Variants in FAM83D observed in about 807,000 individuals in gnomAD.
The protein encoded by FAM83D is protein FAM83D.
Under a neutral mutation model 25.4 loss-of-function variants are expected in FAM83D, and 26 were observed. The observed-to-expected ratio is 1.02, with a 90% CI of 0.75 to 1.42. The LOEUF (loss-of-function observed/expected upper bound fraction) is 1.42, where lower values mean the gene tolerates loss of function less well. Ranked by LOEUF, FAM83D falls within the 40% of genes most tolerant of loss-of-function variation. The probability of loss-of-function intolerance (pLI) is 0.00; values close to 1 mark genes in which losing one functional copy is unlikely to be tolerated. For synonymous variants in FAM83D, 310 were observed against 318.5 expected, an observed-to-expected ratio of 0.97 and a Z score of 0.28; for missense variants, 740 against 758.1, an observed-to-expected ratio of 0.98 and a Z score of 0.28.
At chr20:38,950,118 GC>G (rs145155657) in intron 3 of FAM83D, among the ~76,000 whole-genome samples, 20,148 of 152,250 alleles carry the variant, frequency 0.13, 1,402 homozygotes, top group Middle Eastern at 0.19. Context: ...ACCGTGCCCA[GC>G]CAGATCCTGG....
rs747020087 is a variant in FAM83D, at chr20:38,952,528, G to C, written c.*8G>C. 2 of 1,605,148 alleles carry C rather than the reference G, an allele frequency of 1.2e-6. No individual in the cohort carries two copies. Among genetic ancestry groups the C allele is most frequent in the East Asian group, 4.5e-5 (2 of 44,766 alleles). Reference sequence around the variant, plus strand: ...TATCCTTCCTATCAGTAACTGCTCCGTGTTCAGACTCCTGGTTTCTTCCAG... The same window carrying C: ...TATCCTTCCTATCAGTAACTGCTCCCTGTTCAGACTCCTGGTTTCTTCCAG... On this transcript the variant is annotated 3_prime_UTR_variant, in exon 4 of 4. Transcript: ENST00000619850.
At chr20:38,942,261 G>A (rs2085706295) in intron 2 of FAM83D, 135 bp downstream of exon 2, 1 of 928,236 alleles carries the variant, frequency 1.1e-6, no homozygotes, top group African/African-American at 1.6e-5. Flanking sequence ...CATTTGCCTG[G>A]TCTTACAGAA....
At chr20:38,929,458 T>C (rs2085650122) in intron 1 of FAM83D, among the ~76,000 whole-genome samples, 2 of 152,136 alleles carry the variant, frequency 1.3e-5, no homozygotes, top group Non-Finnish European at 2.9e-5. Context: ...GTATGGGGGC[T>C]GGCCCACAAG....
intron 1 of FAM83D, 23 bp from the exon 2 acceptor site, chr20:38,941,936 G>A (rs1304411636): frequency 6.2e-7 from 1 of 1,612,920 alleles, no homozygotes; most frequent in Non-Finnish European, 8.5e-7. Flanking sequence ...CTTATCATGT[G>A]CTCTTCCCTG....
In FAM83D at chr20:38,951,971, TGTGA is replaced by T; in HGVS notation, c.1215_1218del (p.Ser405ArgfsTer23). The T allele has an allele frequency of 6.2e-7, 1 of 1,614,096 alleles. No homozygotes were observed. Among genetic ancestry groups the T allele is most frequent in the Non-Finnish European group, 8.5e-7 (1 of 1,180,016 alleles). The stretch of plus-strand genomic sequence containing the variant: ...CAGGAGAGGAGATGCCAGGGCTGAG[TGTGA>T]GTGAGGTGGGAACACAAACCAGCAT... On this transcript the variant is annotated frameshift_variant, in exon 4 of 4. Transcript: ENST00000619850. LOFTEE classifies it low-confidence loss of function (END_TRUNC).
In FAM83D at chr20:38,952,090, A is replaced by G; in HGVS notation, c.1328A>G (p.Gln443Arg). 6.2e-7 allele frequency: 1 copy of G among 1,614,254 alleles called. No individual in the cohort carries two copies. Among genetic ancestry groups the G allele is most frequent in the Non-Finnish European group, 8.5e-7 (1 of 1,180,042 alleles). Residue 443 changes from glutamine (Q) to arginine (R), a missense_variant, in exon 4 of 4, where the codon CAG (glutamine) becomes CGG (arginine). By Grantham distance (43) the Gln-to-Arg change is conservative. Transcript: ENST00000619850. ...ATTTGGTCCAGATCGACCACTACTC[A>G]GACTGACATGGATGAGAACATTCTC... Reference protein sequence around the residue: ...TTIWSRSTTTQTDMDENILFP... With the variant: ...TTIWSRSTTTRTDMDENILFP...
chr20:38,951,401 C>T, intron 3 of FAM83D, 138 bp from the exon 4 acceptor site: 1 of 865,068 alleles, frequency 1.2e-6, no homozygotes, highest in Non-Finnish European at 1.7e-6. Context: ...TAAATACATG[C>T]AAATGGTAGG....
chr20:38,926,476 C>T lies in FAM83D; in HGVS notation c.34C>T (p.Pro12Ser), dbSNP rs1301838453. The T allele has an allele frequency of 6.3e-6, 10 of 1,596,326 alleles. No individual in the cohort carries two copies. In the East Asian group the frequency reaches 1.3e-4, roughly 21 times the overall value. The change falls in exon 1 of 4, where the codon CCC becomes TCC. Residue 12 changes from proline to serine, a missense_variant. By Grantham distance (74) the Pro-to-Ser change is moderately conservative. This residue lies in a region of FAM83D where 333 missense variants were observed against 298.6 expected (regional missense o/e 1.12). Transcript: ENST00000619850. The stretch of plus-strand genomic sequence containing the variant: ...GCTGTCCGAGGGCCTGGACGAGGTG[C>T]CCGCCGCCTGCCTGTCGCCGTGCGG... ...ALLSEGLDEVPAACLSPCGPP... is the reference protein window; with the variant it reads ...ALLSEGLDEVSAACLSPCGPP...
Position 38,926,513 on chromosome 20 carries a change from C to G in FAM83D, c.71C>G (p.Pro24Arg). 6.3e-7 allele frequency: 1 copy of G among 1,595,114 alleles called. No homozygotes were observed. Among genetic ancestry groups the G allele is most frequent in the Non-Finnish European group, 8.5e-7 (1 of 1,177,274 alleles). Residue 24 changes from proline to arginine, a missense_variant, in exon 1 of 4, where the codon CCG becomes CGG. Physicochemically the swap from Pro to Arg is moderately radical, Grantham distance 103 (BLOSUM62 -2). Coordinates refer to ENST00000619850, the MANE Select transcript of FAM83D (RefSeq NM_030919.3). ...ACLSPCGPPN[P>R]TELFSESRRL... ...CTGTCGCCGTGCGGGCCGCCCAACC[C>G]GACCGAGCTGTTCAGCGAGTCACGG...
At chr20:38,949,159 G>C (rs2085742034) in intron 3 of FAM83D, among the ~76,000 whole-genome samples, 1 of 141,980 alleles carries the variant, frequency 7.0e-6, no homozygotes. Context: ...CTCATTGAAG[G>C]CTTTCTTTTT....
At chr20:38,938,522 G>T (rs111229540) in intron 1 of FAM83D, among the ~76,000 whole-genome samples, 1 of 152,206 alleles carries the variant, frequency 6.6e-6, no homozygotes, top group African/African-American at 2.4e-5. Flanking sequence ...GCAGGTGTGT[G>T]CATTTTCCTC....
chr20:38,929,353 A>T (rs182138222), intron 1 of FAM83D, among the ~76,000 whole-genome samples: 32 of 152,236 alleles, frequency 2.1e-4, no homozygotes, highest in African/African-American at 6.7e-4. Context: ...GGAAACAGTG[A>T]GGAGTTTGCT....
At chr20:38,934,836 C>T (rs566622584) in intron 1 of FAM83D, among the ~76,000 whole-genome samples, 123 of 152,120 alleles carry the variant, frequency 8.1e-4, no homozygotes, top group Non-Finnish European at 1.4e-3. Flanking sequence ...TGGTACTGAC[C>T]AGTGTAGTAG....
intron 1 of FAM83D, among the ~76,000 whole-genome samples, chr20:38,928,636 C>T (rs1377649307): frequency 6.6e-6 from 1 of 152,100 alleles, no homozygotes; most frequent in Admixed American, 6.5e-5. Context: ...TGCCCAGCCC[C>T]AAATTTTAGT....
intron 1 of FAM83D, among the ~76,000 whole-genome samples, chr20:38,933,522 C>G (rs371104293): frequency 1.3e-5 from 2 of 152,352 alleles, no homozygotes; most frequent in East Asian, 3.9e-4. Flanking sequence ...ACTAGTGCAT[C>G]ATTATGGGAC....
At chr20:38,935,073 G>GA (rs1235627090) in intron 1 of FAM83D, among the ~76,000 whole-genome samples, 2 of 151,868 alleles carry the variant, frequency 1.3e-5, no homozygotes, top group Non-Finnish European at 2.9e-5. Flanking sequence ...TGTTTATATT[G>GA]AAAAAATGGA....
intron 1 of FAM83D, among the ~76,000 whole-genome samples, chr20:38,938,367 T>C (rs2145803389): frequency 6.6e-6 from 1 of 152,360 alleles, no homozygotes; most frequent in South Asian, 2.1e-4. Flanking sequence ...CGTCACACTC[T>C]GTTACCCCTG....
chr20:38,927,778 C>T (rs1237225544), intron 1 of FAM83D, among the ~76,000 whole-genome samples: 1 of 151,870 alleles, frequency 6.6e-6, no homozygotes, highest in East Asian at 1.9e-4. Flanking sequence ...GGATTACAGG[C>T]GTGAGCCACC....
intron 1 of FAM83D, among the ~76,000 whole-genome samples, chr20:38,939,838 T>A (rs976282082): frequency 6.6e-6 from 1 of 152,166 alleles, no homozygotes; most frequent in African/African-American, 2.4e-5. Context: ...TGCCTTGCCC[T>A]CCCTGTGCTA....
Sources: gnomAD v4.1 joint callset for allele counts (sites outside exome capture counted in the v4.1 genomes callset) on GRCh38, gnomAD v4.1.1 for gene constraint, gnomAD v4.1.1 regional missense constraint, MANE v1.5 for transcripts, NCBI Gene and HGNC (gene_info 2026-07-23, HGNC 2026-07-21) for gene names.